The following RIPOR3 variants were observed in gnomAD, a reference collection of about 807,000 sequenced individuals.
RIPOR3 encodes RIPOR family member 3.
Under a neutral mutation model 114.3 loss-of-function variants are expected in RIPOR3, and 95 were observed. The ratio of observed to expected loss-of-function variants is 0.83; its 90% CI spans 0.70 to 0.99. The LOEUF (loss-of-function observed/expected upper bound fraction) is 0.99. Ranked by LOEUF, RIPOR3 falls within the 50% of genes least tolerant of loss-of-function variation. The pLI, the probability that RIPOR3 is intolerant of heterozygous loss-of-function variation, is 0.00. For synonymous variants in RIPOR3, 575 were observed against 543.8 expected, an observed-to-expected ratio of 1.06 and a Z score of -0.80; for missense variants, 1,252 against 1,266.9, an observed-to-expected ratio of 0.99 and a Z score of 0.18.
chr20:50,649,449 GAA>G (rs1408391677), intron 1 of RIPOR3, among the ~76,000 whole-genome samples: 1 of 152,052 alleles, frequency 6.6e-6, no homozygotes, highest in Non-Finnish European at 1.5e-5. Flanking sequence ...TCAAAAAAAA[GAA>G]AAGATGTAGG....
chr20:50,661,298 C>T (rs1277305045), intron 1 of RIPOR3, among the ~76,000 whole-genome samples: 1 of 152,078 alleles, frequency 6.6e-6, no homozygotes, highest in African/African-American at 2.4e-5. Context: ...CAGTCTTCAA[C>T]TCCTGGGCTT....
At position 50,669,094 on chromosome 20, in the gene RIPOR3, G is replaced by A. The variant is rs149865027; in HGVS notation, c.3+22032C>T. Among the ~76,000 whole-genome samples, 355 of 151,852 alleles carry A rather than the reference G, an allele frequency of 2.3e-3. 6 individuals are homozygous for A. In the East Asian group the frequency reaches 0.027, roughly 11 times the overall value. On this transcript the variant is annotated intron_variant, in intron 1 of 21. Coordinates refer to ENST00000327979, the MANE Select transcript of RIPOR3 (RefSeq NM_001290268.2). ...TTATACACATATGTACACATGGCGC[G>A]CACACACCCATACATGCATGCTCAC...
chr20:50,641,911 G>C (rs2085211838), intron 1 of RIPOR3, among the ~76,000 whole-genome samples: 1 of 152,138 alleles, frequency 6.6e-6, no homozygotes, highest in Non-Finnish European at 1.5e-5. Context: ...ACTGGGTCCT[G>C]TTCAGCCCCT....
At chr20:50,609,953 G>A (rs1210402729) in intron 6 of RIPOR3, among the ~76,000 whole-genome samples, 3 of 146,454 alleles carry the variant, frequency 2.0e-5, no homozygotes, top group Non-Finnish European at 4.5e-5. Flanking sequence ...TGCCTCACCT[G>A]CCACCACTGC....
In RIPOR3 at chr20:50,638,323, C is replaced by G. The variant is rs185007594; in HGVS notation, c.4-7467G>C. Reference sequence around the variant, plus strand: ...TGCAGGCAAAGGGACGCCTCCTGACCGCAGAATAGTCAACAGCAGGCACGG... The same window carrying G: ...TGCAGGCAAAGGGACGCCTCCTGACGGCAGAATAGTCAACAGCAGGCACGG... On this transcript the variant is annotated intron_variant, in intron 1 of 21. Coordinates refer to ENST00000327979, the MANE Select transcript of RIPOR3 (RefSeq NM_001290268.2). Among the ~76,000 whole-genome samples, 349 of 152,328 alleles carry G rather than the reference C, an allele frequency of 2.3e-3. 5 individuals carry two copies. Among genetic ancestry groups the G allele is most frequent in the African/African-American group, 7.7e-3 (320 of 41,574 alleles).
At chr20:50,607,806 G>A (rs1352786676) in intron 11 of RIPOR3, among the ~76,000 whole-genome samples, 3 of 152,166 alleles carry the variant, frequency 2.0e-5, no homozygotes, top group African/African-American at 2.4e-5. Context: ...AGCAAGCACA[G>A]AGCAGAGGAG....
At chr20:50,687,497 G>T (rs2087068419) in intron 1 of RIPOR3, among the ~76,000 whole-genome samples, 1 of 152,264 alleles carries the variant, frequency 6.6e-6, no homozygotes, top group African/African-American at 2.4e-5. Flanking sequence ...GCTGGCAAAG[G>T]TTTAGCAACC....
chr20:50,609,988 T>G (rs2083898747), intron 6 of RIPOR3, among the ~76,000 whole-genome samples: 11 of 98,814 alleles, frequency 1.1e-4, no homozygotes, highest in African/African-American at 2.8e-4. Flanking sequence ...CTACCACCCC[T>G]GCCTCACCTG....
intron 1 of RIPOR3, among the ~76,000 whole-genome samples, chr20:50,662,868 G>A (rs1166849796): frequency 1.3e-5 from 2 of 152,200 alleles, no homozygotes; most frequent in Non-Finnish European, 2.9e-5. Context: ...GCCGAGGCGG[G>A]TGGGTCACTT....
chr20:50,588,418 A>C lies in RIPOR3; in HGVS notation c.2662-526T>G, dbSNP rs368360993. Among the ~76,000 whole-genome samples, 17 of 152,356 alleles carry C rather than the reference A, an allele frequency of 1.1e-4. 1 individual carries two copies. Among genetic ancestry groups the C allele is most frequent in the East Asian group, 9.6e-4 (5 of 5,186 alleles). On this transcript the variant is annotated intron_variant, in intron 20 of 21. Coordinates refer to ENST00000327979, the MANE Select transcript of RIPOR3 (RefSeq NM_001290268.2). Reference sequence around the variant, plus strand: ...TCCATCCCAGAATGAATGGGAGTTCAATCTGTACTGAATTATCTTTCATCT... The same window carrying C: ...TCCATCCCAGAATGAATGGGAGTTCCATCTGTACTGAATTATCTTTCATCT...
rs2087199626 is a variant in RIPOR3, at chr20:50,691,147, C to A, written c.-19G>T. 7.8e-7 allele frequency: 1 copy of A among 1,289,352 alleles called. No individual in the cohort carries two copies. 79.9% of individuals were successfully genotyped at this position (1,289,352 alleles called of 1,614,324 possible). On this transcript the variant is annotated 5_prime_UTR_variant, in exon 1 of 22. Coordinates refer to ENST00000327979, the MANE Select transcript of RIPOR3 (RefSeq NM_001290268.2). The stretch of plus-strand genomic sequence containing the variant: ...TCACCATCGAGCAGGTCTGGACACT[C>A]GAGTGCAGTCCCGCCGCCCTCCTTG...
At chr20:50,604,592 T>C in intron 12 of RIPOR3, 53 bp downstream of exon 12, 1 of 1,550,636 alleles carries the variant, frequency 6.4e-7, no homozygotes, top group Non-Finnish European at 8.7e-7. Context: ...TCCTGCGTGC[T>C]GCCCCCATCC....
intron 3 of RIPOR3, among the ~76,000 whole-genome samples, chr20:50,617,858 G>T (rs1040663057): frequency 4.6e-5 from 7 of 151,802 alleles, no homozygotes; most frequent in Admixed American, 6.6e-5. Context: ...TCCTGAATTC[G>T]TGATCCGCCT....
chr20:50,657,639 T>C (rs2085856126), intron 1 of RIPOR3, among the ~76,000 whole-genome samples: 1 of 152,210 alleles, frequency 6.6e-6, no homozygotes, highest in African/African-American at 2.4e-5. Context: ...CATCTCATTC[T>C]TAAATCTGCA....
At chr20:50,615,108 A>AGAGTGTGTGTGTGT (rs74175509) in intron 4 of RIPOR3, among the ~76,000 whole-genome samples, 2 of 138,414 alleles carry the variant, frequency 1.4e-5, no homozygotes, top group East Asian at 4.4e-4. Flanking sequence ...GCTATTTGTG[A>AGAGTGTGTGTGTGT]GTGTGTGTGT....
At position 50,666,183 on chromosome 20, in the gene RIPOR3, ATTTCT is replaced by A. The variant is rs60151515; in HGVS notation, c.3+24938_3+24942del. 8.5e-3 allele frequency among the ~76,000 whole-genome samples: 372 copies of A among 43,774 alleles called. 48 individuals are homozygous for A. Among genetic ancestry groups the A allele is most frequent in the African/African-American group, 0.018 (344 of 18,710 alleles). 28.7% of individuals were successfully genotyped at this position (43,774 alleles called of 152,430 possible). ...CCTAGAATACAGAGAAAGGACACCCATTTCTTTTCTTTTCTTTTCTTTTCTTTTCT... is the reference window on the plus strand; with the variant it reads ...CCTAGAATACAGAGAAAGGACACCCATTTCTTTTCTTTTCTTTTCTTTTCT... On this transcript the variant is annotated intron_variant, in intron 1 of 21. Coordinates refer to ENST00000327979, the MANE Select transcript of RIPOR3 (RefSeq NM_001290268.2).
In RIPOR3 at chr20:50,689,174, T is replaced by TC. The variant is rs1343245120; in HGVS notation, c.3+1951_3+1952insG. On this transcript the variant is annotated intron_variant, in intron 1 of 21. Transcript: ENST00000327979. ...GAGATTTACTCCTCTCCAAACTTCT[T>TC]TTTTTTTTTTTTTTTTTTTTGAGAC... Among the ~76,000 whole-genome samples, 3 of 6,248 alleles carry TC rather than the reference T, an allele frequency of 4.8e-4. No homozygotes were observed. In the Non-Finnish European group the frequency reaches 0.01, roughly 21 times the overall value. The allele number at this position is 6,248 out of a possible 152,430, so 4.1% of individuals were successfully genotyped here. A position where few individuals can be genotyped will look rare whatever the true frequency, so the allele number is the denominator to read the frequency against.
chr20:50,634,170 T>G (rs112402596), intron 1 of RIPOR3, among the ~76,000 whole-genome samples: 17 of 151,966 alleles, frequency 1.1e-4, no homozygotes, highest in African/African-American at 3.9e-4. Flanking sequence ...ATTGTAGAGA[T>G]AGGGTTTCGC....
Position 50,602,234 on chromosome 20 carries a change from G to T in RIPOR3, c.1497C>A (p.Asn499Lys), listed in dbSNP as rs6096021. 1.9e-6 allele frequency: 3 copies of T among 1,613,856 alleles called. No individual in the cohort carries two copies. The highest frequency in any genetic ancestry group is 1.1e-5 in the South Asian group (1 of 91,058). ...CCCCGGTTGCCCCTTCCTCGTGGCC[G>T]TTCTGGCTACTCGAGGCTGTGCCGC... ...FHSGTASSSQ[N>K]GHEEGATGDR... The change falls in exon 13 of 22, where the codon AAC becomes AAA. Residue 499 changes from asparagine to lysine, a missense_variant. By Grantham distance (94) the Asn-to-Lys change is moderately conservative. Transcript: ENST00000327979. This position sits in a 1 kb window ranked among gnomAD's most constrained non-coding sequence, Gnocchi z 4.3.
Sources: allele counts gnomAD v4.1 joint callset (sites outside exome capture counted in the v4.1 genomes callset), GRCh38; gene constraint gnomAD v4.1.1; non-coding constraint Gnocchi (gnomAD v3.1); transcripts MANE v1.5; gene names NCBI Gene and HGNC (gene_info 2026-07-23, HGNC 2026-07-21).